Variants in SPNS3 observed in about 807,000 individuals in gnomAD.
The protein encoded by SPNS3 is protein spinster homolog 3.
A neutral mutation model predicts 54.4 loss-of-function variants in SPNS3; 51 were observed. That is an observed-to-expected ratio of 0.94 (90% confidence interval 0.75 to 1.18). The LOEUF is 1.18. Among genes scored for constraint, SPNS3 ranks in the 50% most tolerant of loss-of-function variants. SPNS3 has a pLI of 0.00. For synonymous variants in SPNS3, 309 were observed against 294.7 expected, an observed-to-expected ratio of 1.05 and a Z score of -0.50; for missense variants, 669 against 677.4, an observed-to-expected ratio of 0.99 and a Z score of 0.14.
At chr17:4,477,308 G>A (rs897230489) in intron 8 of SPNS3, among the ~76,000 whole-genome samples, 1 of 152,210 alleles carries the variant, frequency 6.6e-6, no homozygotes, top group African/African-American at 2.4e-5. Context: ...GGACAGGGCT[G>A]GTGCGTGGCA....
chr17:4,445,527 C>T (rs1432658479), intron 3 of SPNS3, among the ~76,000 whole-genome samples: 4 of 152,278 alleles, frequency 2.6e-5, no homozygotes, highest in African/African-American at 7.2e-5. Context: ...AGGCGCGTGC[C>T]ACCACGCCCA....
At chr17:4,455,156 C>A (rs1004173977) in intron 8 of SPNS3, among the ~76,000 whole-genome samples, 1 of 152,284 alleles carries the variant, frequency 6.6e-6, no homozygotes, top group East Asian at 1.9e-4. Context: ...TCAGGCGATC[C>A]GCCTGTCTCG....
chr17:4,455,112 C>T (rs189998355), intron 8 of SPNS3, among the ~76,000 whole-genome samples: 2 of 152,236 alleles, frequency 1.3e-5, no homozygotes, highest in South Asian at 4.1e-4. Flanking sequence ...TGGGGTTTCG[C>T]CACATTGGCC....
chr17:4,451,606 G>A (rs1384468087), intron 7 of SPNS3, among the ~76,000 whole-genome samples: 1 of 152,138 alleles, frequency 6.6e-6, no homozygotes, highest in East Asian at 1.9e-4. Flanking sequence ...GGTTGGACTG[G>A]TGTTTTCAAG....
At chr17:4,445,564 A>G (rs1298632243) in intron 3 of SPNS3, among the ~76,000 whole-genome samples, 1 of 151,916 alleles carries the variant, frequency 6.6e-6, no homozygotes, top group African/African-American at 2.4e-5. Flanking sequence ...TTTAGTAGAG[A>G]CAGGGTTTCA....
At chr17:4,468,760 T>TCTTTCTTTCTTTCTTTCTTTCTTTC (rs1388270747) in intron 8 of SPNS3, among the ~76,000 whole-genome samples, 1 of 142,590 alleles carries the variant, frequency 7.0e-6, no homozygotes, top group Non-Finnish European at 1.5e-5. Flanking sequence ...TTTCTTTCTT[T>TCTTTCTTTCTTTCTTTCTTTCTTTC]CTCTCTTTCT....
chr17:4,451,476 G>A (rs938009009), intron 7 of SPNS3, among the ~76,000 whole-genome samples: 2 of 152,076 alleles, frequency 1.3e-5, no homozygotes, highest in African/African-American at 4.8e-5. Flanking sequence ...CAAAGTGAGG[G>A]TGGGAGAAGA....
chr17:4,475,749 G>A (rs535654514), intron 8 of SPNS3, among the ~76,000 whole-genome samples: 58 of 152,304 alleles, frequency 3.8e-4, no homozygotes, highest in Non-Finnish European at 5.7e-4. Context: ...GCAGAGCTGA[G>A]ATGCTCCTGT....
chr17:4,456,043 C>T (rs2144084414), intron 8 of SPNS3, among the ~76,000 whole-genome samples: 1 of 152,204 alleles, frequency 6.6e-6, no homozygotes. Flanking sequence ...TCTTGAACTC[C>T]TGGGCTCCAG....
Position 4,486,573 on chromosome 17 carries a change from G to T in SPNS3, c.1440G>T (p.Gln480His), listed in dbSNP as rs1407524313. 8 of 1,611,864 alleles carry T rather than the reference G, an allele frequency of 5.0e-6. No homozygotes were observed. In the Admixed American group the frequency reaches 1.3e-4, roughly 27 times the overall value. ...YLERDETRAWQPVTGTPDSND... is the reference protein window; with the variant it reads ...YLERDETRAWHPVTGTPDSND... ...AGAGAGACGAGACCCGGGCCTGGCA[G>T]CCTGTCACAGGTACCCTACCCATTG... The change falls in exon 11 of 12, where the codon CAG (glutamine) becomes CAT (histidine). Residue 480 changes from glutamine to histidine, a missense_variant. Coordinates refer to ENST00000355530, the MANE Select transcript of SPNS3 (RefSeq NM_182538.5). The surrounding 1 kb of genome is among the most constrained non-coding windows in gnomAD (Gnocchi z 5.5).
In SPNS3 at chr17:4,486,660, C is replaced by T. The variant is rs1178077610; in HGVS notation, c.1450+77C>T. 13 of 1,439,918 alleles carry T rather than the reference C, an allele frequency of 9.0e-6. No individual in the cohort carries two copies. The South Asian group carries it at 9.2e-5, about 10-fold the overall frequency. The allele number at this position is 1,439,918 out of a possible 1,614,324, so 89.2% of individuals were successfully genotyped here. ...GACAGCACTGGCCACCCCCTGAATC[C>T]CTGGCCAGTTTGTTTGTTCATTCAT... On this transcript the variant is annotated intron_variant, in intron 11 of 11. Coordinates refer to ENST00000355530, the MANE Select transcript of SPNS3 (RefSeq NM_182538.5). The surrounding 1 kb of genome is among the most constrained non-coding windows in gnomAD (Gnocchi z 5.5).
At chr17:4,441,981 GAAGTGTGT>G (rs1183514699) in intron 2 of SPNS3, among the ~76,000 whole-genome samples, 4 of 89,036 alleles carry the variant, frequency 4.5e-5, no homozygotes, top group Non-Finnish European at 9.8e-5. Context: ...CACGGAGGGA[GAAGTGTGT>G]GTGTGTGTGT....
intron 2 of SPNS3, among the ~76,000 whole-genome samples, chr17:4,443,823 G>A (rs1237017058): frequency 6.6e-6 from 1 of 152,230 alleles, no homozygotes; most frequent in Non-Finnish European, 1.5e-5. Flanking sequence ...ACAGTGGGCC[G>A]GGCACAGTGG....
intron 8 of SPNS3, among the ~76,000 whole-genome samples, chr17:4,461,361 C>CTTTTTTTTTT (rs55928003): frequency 0.012 from 394 of 33,420 alleles, 45 homozygotes; most frequent in Non-Finnish European, 0.017. Context: ...CTTTTCTTTT[C>CTTTTTTTTTT]TTTTTTTTTT....
intron 9 of SPNS3, chr17:4,484,886 C>G (rs1264347355): frequency 6.6e-6 from 1 of 152,126 alleles, no homozygotes; most frequent in Non-Finnish European, 1.5e-5. Flanking sequence ...TGGTGTCTTG[C>G]AGGGACCCCA....
chr17:4,469,090 G>A (rs906821203), intron 8 of SPNS3, among the ~76,000 whole-genome samples: 3 of 144,722 alleles, frequency 2.1e-5, no homozygotes, highest in African/African-American at 7.7e-5. Context: ...GCCCGGCCTC[G>A]GACCTGTTTT....
chr17:4,438,942 G>A (rs1011954788), intron 1 of SPNS3, among the ~76,000 whole-genome samples: 2 of 57,476 alleles, frequency 3.5e-5, no homozygotes, highest in Non-Finnish European at 9.5e-5. Flanking sequence ...GTGAGTTCCT[G>A]TGTGTGTGTG....
intron 8 of SPNS3, among the ~76,000 whole-genome samples, chr17:4,472,774 C>CATTTTTTTTTTTTTTTTTTTTTTT (rs1567572187): frequency 7.9e-5 from 4 of 50,942 alleles, no homozygotes; most frequent in African/African-American, 2.7e-4. Context: ...GCTTGGCAGC[C>CATTTTTTTTTTTTTTTTTTTTTTT]TTTTTTTTTT....
At chr17:4,441,556 T>A (rs1376166237) in intron 2 of SPNS3, among the ~76,000 whole-genome samples, 1 of 152,160 alleles carries the variant, frequency 6.6e-6, no homozygotes, top group Admixed American at 6.6e-5. Context: ...ATTAAATAGA[T>A]AATGGTGGTT....
Sources: gnomAD v4.1 joint callset for allele counts (sites outside exome capture counted in the v4.1 genomes callset) on GRCh38, gnomAD v4.1.1 for gene constraint, Gnocchi (gnomAD v3.1) non-coding constraint, MANE v1.5 for transcripts, NCBI Gene and HGNC (gene_info 2026-07-23, HGNC 2026-07-21) for gene names.